Variants in SLC6A17 observed in about 807,000 individuals in gnomAD.
The protein encoded by SLC6A17 is solute carrier family 6 member 17.
Under a neutral mutation model 64.5 loss-of-function variants are expected in SLC6A17, and 21 were observed. The ratio of observed to expected loss-of-function variants is 0.33; its 90% confidence interval spans 0.23 to 0.47. SLC6A17 has a LOEUF of 0.47. Among genes scored for constraint, SLC6A17 ranks in the 20% least tolerant of loss-of-function variants. The pLI is 1.00. For synonymous variants in SLC6A17, 372 were observed against 399.5 expected, an observed-to-expected ratio of 0.93 and a Z score of 0.82; for missense variants, 682 against 963.2, an observed-to-expected ratio of 0.71 and a Z score of 3.86.
intron 8 of SLC6A17, among the ~76,000 whole-genome samples, chr1:110,193,788 G>T (rs1399289249): frequency 6.6e-6 from 1 of 152,238 alleles, no homozygotes; most frequent in Non-Finnish European, 1.5e-5. Context: ...CAGTTCTCAT[G>T]GGCATGGCCT....
In SLC6A17 at chr1:110,172,220, G is replaced by A. The variant is rs1656261475; in HGVS notation, c.444+3G>A. On this transcript the variant is annotated splice_donor_region_variant and intron_variant, in intron 3 of 11. Coordinates refer to ENST00000331565, the MANE Select transcript of SLC6A17 (RefSeq NM_001010898.4). ...GCATCGGCTTCTCCAGCTGCATAGT[G>A]AGTCAAGGGCTGGGGCAGGCACTGA... is the stretch of plus-strand genomic sequence containing the variant. The A allele has an allele frequency of 1.3e-6, 2 of 1,578,722 alleles. No individual in the cohort carries two copies. The highest frequency in any genetic ancestry group is 1.8e-5 in the Admixed American group (1 of 54,896).
At chr1:110,166,162 CA>C (rs1656048908) in intron 1 of SLC6A17, 1 of 152,242 alleles carries the variant, frequency 6.6e-6, no homozygotes, top group Non-Finnish European at 1.5e-5. Flanking sequence ...TGGCACTGAG[CA>C]AACAGCCCTT....
At chr1:110,170,952 A>G (rs576885462) in intron 2 of SLC6A17, among the ~76,000 whole-genome samples, 25 of 152,094 alleles carry the variant, frequency 1.6e-4, no homozygotes, top group African/African-American at 6.0e-4. Flanking sequence ...GTCTGTGCCT[A>G]CTGTTACTCC....
At chr1:110,190,270 G>A (rs1035069661) in intron 6 of SLC6A17, among the ~76,000 whole-genome samples, 4 of 152,174 alleles carry the variant, frequency 2.6e-5, no homozygotes, top group Non-Finnish European at 5.9e-5. Context: ...TACTTATTTT[G>A]TGCTGGATGG....
intron 6 of SLC6A17, among the ~76,000 whole-genome samples, chr1:110,187,218 CGCT>C: frequency 6.6e-6 from 1 of 152,198 alleles, no homozygotes; most frequent in East Asian, 1.9e-4. Context: ...CAGAACAATT[CGCT>C]AATCAGGCAG....
intron 6 of SLC6A17, 128 bp downstream of exon 6, chr1:110,176,867 C>A (rs751974554): frequency 4.6e-5 from 37 of 809,010 alleles, no homozygotes; most frequent in Non-Finnish European, 4.3e-5. Context: ...CGTACCAGGC[C>A]CTGGAGAGAT....
At chr1:110,176,410 C>G (rs1656374045) in intron 5 of SLC6A17, among the ~76,000 whole-genome samples, 2 of 152,110 alleles carry the variant, frequency 1.3e-5, no homozygotes, top group South Asian at 4.1e-4. Flanking sequence ...GAAAACCAAC[C>G]CCGGGCACAG....
Position 110,192,732 on chromosome 1 carries a change from A to G in SLC6A17, c.1299+34A>G. ...ACAGGCTGCCCTTCCCAGGACAGGCAGGAACCCAGAGAGCAGCTGTGGCCG... is the reference window on the plus strand; with the variant it reads ...ACAGGCTGCCCTTCCCAGGACAGGCGGGAACCCAGAGAGCAGCTGTGGCCG... On this transcript the variant is annotated intron_variant, in intron 8 of 11. Transcript: ENST00000331565. This position sits in a 1 kb window ranked among gnomAD's most constrained non-coding sequence, Gnocchi z 4.3. 6.3e-7 allele frequency: 1 copy of G among 1,590,426 alleles called. No homozygotes were observed. The highest frequency in any genetic ancestry group is 8.6e-7 in the Non-Finnish European group (1 of 1,166,528).
intron 6 of SLC6A17, among the ~76,000 whole-genome samples, chr1:110,185,676 A>G (rs1267529555): frequency 6.6e-6 from 1 of 152,212 alleles, no homozygotes; most frequent in Non-Finnish European, 1.5e-5. Flanking sequence ...TTGCAGTCAC[A>G]TCCTGATGCC....
chr1:110,186,199 A>G (rs1367315945), intron 6 of SLC6A17, among the ~76,000 whole-genome samples: 5 of 152,146 alleles, frequency 3.3e-5, no homozygotes, highest in Admixed American at 6.5e-5. Flanking sequence ...TCTCCAAGCT[A>G]TATAGGGCCA....
intron 10 of SLC6A17, among the ~76,000 whole-genome samples, chr1:110,196,526 G>A (rs934890306): frequency 2.6e-5 from 4 of 152,114 alleles, no homozygotes; most frequent in African/African-American, 7.2e-5. Flanking sequence ...GTGGGCCAGG[G>A]CTGTAAGACA....
chr1:110,159,696 A>G (rs1013336699), intron 1 of SLC6A17, among the ~76,000 whole-genome samples: 2 of 152,232 alleles, frequency 1.3e-5, no homozygotes, highest in African/African-American at 4.8e-5. Context: ...GAAAGTGGCC[A>G]AAAGTCACAA....
intron 6 of SLC6A17, among the ~76,000 whole-genome samples, chr1:110,189,161 C>T (rs375868445): frequency 5.8e-4 from 89 of 152,374 alleles, no homozygotes; most frequent in Middle Eastern, 6.8e-3. Context: ...AGTCTATCTC[C>T]AGCTTGTCTC....
chr1:110,173,892 C>CGAAG, intron 3 of SLC6A17, 81 bp from the exon 4 acceptor site: 4 of 1,552,170 alleles, frequency 2.6e-6, no homozygotes, highest in Admixed American at 3.9e-5. Context: ...GCGCTGCCGA[C>CGAAG]GTGCTGGGCC....
At chr1:110,188,981 G>C (rs1051235255) in intron 6 of SLC6A17, among the ~76,000 whole-genome samples, 6 of 152,104 alleles carry the variant, frequency 3.9e-5, no homozygotes, top group African/African-American at 1.4e-4. Context: ...CCTCCTCCAG[G>C]CTCTGGGTTT....
intron 1 of SLC6A17, among the ~76,000 whole-genome samples, chr1:110,161,798 C>T (rs1655918571): frequency 6.6e-6 from 1 of 152,186 alleles, no homozygotes; most frequent in South Asian, 2.1e-4. Flanking sequence ...GGTGGAGGGG[C>T]TCCAGGCTTT....
chr1:110,197,380 A>G (rs1194076706), intron 10 of SLC6A17, 57 bp from the exon 11 acceptor site: 1 of 1,555,302 alleles, frequency 6.4e-7, no homozygotes, highest in Non-Finnish European at 8.7e-7. Context: ...GTGATGGGGG[A>G]AGAGGGAGGT....
intron 8 of SLC6A17, 85 bp from the exon 9 acceptor site, chr1:110,194,494 A>G (rs1656908408): frequency 2.1e-6 from 3 of 1,440,404 alleles, no homozygotes; most frequent in East Asian, 2.3e-5. Flanking sequence ...AGTTATTCCA[A>G]AAGTTTGAAG....
chr1:110,198,528 C>T lies in SLC6A17; in HGVS notation c.*84C>T. ...CCTGGCCTCTTTCTTGAGGTGGCCACCAGGCCCAGGCCAGGCCCTTTGCCC... is the reference window on the plus strand; with the variant it reads ...CCTGGCCTCTTTCTTGAGGTGGCCATCAGGCCCAGGCCAGGCCCTTTGCCC... On this transcript the variant is annotated 3_prime_UTR_variant, in exon 12 of 12. Coordinates refer to ENST00000331565, the MANE Select transcript of SLC6A17 (RefSeq NM_001010898.4). 2 of 1,520,164 alleles carry T rather than the reference C, an allele frequency of 1.3e-6. No individual in the cohort carries two copies. Among genetic ancestry groups the T allele is most frequent in the East Asian group, 2.3e-5 (1 of 44,202 alleles). 94.2% of individuals were successfully genotyped at this position (1,520,164 alleles called of 1,614,324 possible). A position where few individuals can be genotyped will look rare whatever the true frequency, so the allele number is the denominator to read the frequency against.
Sources: allele counts gnomAD v4.1 joint callset (sites outside exome capture counted in the v4.1 genomes callset), GRCh38; gene constraint gnomAD v4.1.1; non-coding constraint Gnocchi (gnomAD v3.1); transcripts MANE v1.5; gene names NCBI Gene and HGNC (gene_info 2026-07-23, HGNC 2026-07-21).